Variants in PIGN observed in about 807,000 individuals in gnomAD.
PIGN encodes GPI ethanolamine phosphate transferase 1.
PIGN carries 117 observed loss-of-function variants against 125.4 expected under a neutral mutation model. The ratio of observed to expected loss-of-function variants is 0.93; its 90% CI spans 0.80 to 1.09. PIGN has a LOEUF of 1.09. Among genes scored for constraint, PIGN ranks in the 50% least tolerant of loss-of-function variants. PIGN has a pLI of 0.00. For synonymous variants in PIGN, 392 were observed against 377.8 expected (o/e 1.04, Z -0.44); for missense variants, 1,075 against 1,094.9 (o/e 0.98, Z 0.26).
intron 7 of PIGN, chr18:62,153,662 G>C (rs2036617523): frequency 6.6e-6 from 1 of 151,964 alleles, no homozygotes; most frequent in Non-Finnish European, 1.5e-5. Flanking sequence ...TATATTAAAA[G>C]TAAAAAGAAA....
chr18:62,116,109 C>T (rs530681214), intron 14 of PIGN, among the ~76,000 whole-genome samples: 3 of 152,262 alleles, frequency 2.0e-5, no homozygotes, highest in Non-Finnish European at 4.4e-5. Flanking sequence ...AAGGCAAAAA[C>T]ACATGAAAGA....
At chr18:62,061,511 C>CAAAAAAAAA (rs373391589) in intron 30 of PIGN, among the ~76,000 whole-genome samples, 1 of 33,236 alleles carries the variant, frequency 3.0e-5, no homozygotes, top group Non-Finnish European at 7.3e-5. Context: ...GACTCCGTCT[C>CAAAAAAAAA]AAAAAAAAAA....
intron 14 of PIGN, chr18:62,135,661 T>C (rs2035903647): frequency 6.7e-6 from 1 of 149,350 alleles, no homozygotes; most frequent in African/African-American, 2.5e-5. Flanking sequence ...TCTCACTCTG[T>C]TGCTCAGGCT....
chr18:62,093,066 A>G (rs1429236927), intron 23 of PIGN, among the ~76,000 whole-genome samples: 2 of 152,120 alleles, frequency 1.3e-5, no homozygotes, highest in South Asian at 2.1e-4. Flanking sequence ...GTGTGATTGC[A>G]TAGTGCTCTG....
Position 62,143,321 on chromosome 18 carries a change from C to A in PIGN, c.948G>T (p.Arg316Ser). 6.6e-7 allele frequency: 1 copy of A among 1,526,606 alleles called. No homozygotes were observed. The highest frequency in any genetic ancestry group is 1.8e-5 in the Admixed American group (1 of 55,996). The allele number at this position is 1,526,606 out of a possible 1,614,324, so 94.6% of individuals were successfully genotyped here. ...LKEWRLENWK[R>S]LDVNQADIAP... Reference sequence around the variant, plus strand: ...AACTGGATACCTGATTGACATCTAGCCTCTTCCAATTCTCCAATCTCCACT... The same window carrying A: ...AACTGGATACCTGATTGACATCTAGACTCTTCCAATTCTCCAATCTCCACT... The change falls in exon 11 of 31, where the codon AGG becomes AGT. Residue 316 changes from arginine (R) to serine (S), a missense_variant. Arg to Ser is a moderately radical substitution (Grantham distance 110, BLOSUM62 -1). Around this residue, in one of 3 missense-constraint regions of PIGN, gnomAD observed 915 missense variants for 908.7 expected, o/e 1.01. Transcript: ENST00000640252.
At chr18:62,052,354 A>G (rs900532879) in intron 30 of PIGN, 2 of 150,064 alleles carry the variant, frequency 1.3e-5, no homozygotes, top group African/African-American at 4.9e-5. Context: ...TTTGTAGGTC[A>G]CTCAGGACTT....
At chr18:62,167,788 A>C (rs1320555864) in intron 1 of PIGN, among the ~76,000 whole-genome samples, 1 of 152,066 alleles carries the variant, frequency 6.6e-6, no homozygotes, top group Non-Finnish European at 1.5e-5. Flanking sequence ...TTTCCTGATG[A>C]TCAATGATCA....
In PIGN at chr18:62,095,890, A is replaced by G; in HGVS notation, c.2138T>C (p.Ile713Thr). Reference protein sequence around the residue: ...SPVLFQRLFSILLSLMSTYLL... With the variant: ...SPVLFQRLFSTLLSLMSTYLL... Reference sequence around the variant, plus strand: ...GTAGGTTGACATCAATGAAAGAAGTATGCTGAACAATCGCTGAAAGAGAAC... The same window carrying G: ...GTAGGTTGACATCAATGAAAGAAGTGTGCTGAACAATCGCTGAAAGAGAAC... Residue 713 changes from isoleucine (I) to threonine (T), a missense_variant, in exon 23 of 31, where the codon ATA becomes ACA. Coordinates refer to ENST00000640252, the MANE Select transcript of PIGN (RefSeq NM_176787.5). The G allele has an allele frequency of 1.2e-6, 2 of 1,613,284 alleles. No individual in the cohort carries two copies. The highest frequency in any genetic ancestry group is 1.7e-6 in the Non-Finnish European group (2 of 1,179,308).
intron 1 of PIGN, among the ~76,000 whole-genome samples, chr18:62,168,450 T>G (rs1364383183): frequency 2.6e-5 from 4 of 152,198 alleles, no homozygotes; most frequent in Admixed American, 2.6e-4. Context: ...CATCCCAGCC[T>G]TGCCTCTGTG....
chr18:62,133,599 T>G (rs548461447), intron 14 of PIGN, among the ~76,000 whole-genome samples: 1 of 152,206 alleles, frequency 6.6e-6, no homozygotes, highest in African/African-American at 2.4e-5. Context: ...AACAGTATTA[T>G]CCAACATTTG....
At chr18:62,040,701 A>G (rs1383666253), downstream of PIGN, among the ~76,000 whole-genome samples, 1 of 152,232 alleles carries the variant, frequency 6.6e-6, no homozygotes, top group East Asian at 1.9e-4. Flanking sequence ...TATGGTTTCT[A>G]ACTTTAAGAA....
At chr18:62,173,997 C>T (rs747699183) in intron 1 of PIGN, among the ~76,000 whole-genome samples, 21 of 152,264 alleles carry the variant, frequency 1.4e-4, no homozygotes, top group East Asian at 9.6e-4. Context: ...GGGCAGATCA[C>T]GAAGTCAAGA....
intron 30 of PIGN, among the ~76,000 whole-genome samples, chr18:62,060,732 A>G (rs2032071537): frequency 6.6e-6 from 1 of 152,214 alleles, no homozygotes; most frequent in Admixed American, 6.5e-5. Flanking sequence ...AACTCAGCTC[A>G]ATCAAACTGA....
At chr18:62,116,167 T>TCAGATA (rs2035079440) in intron 14 of PIGN, among the ~76,000 whole-genome samples, 1 of 152,218 alleles carries the variant, frequency 6.6e-6, no homozygotes, top group Admixed American at 6.5e-5. Flanking sequence ...CTCTGTACCT[T>TCAGATA]CAGATACCAC....
chr18:62,149,587 T>A (rs1239424139), intron 7 of PIGN, among the ~76,000 whole-genome samples: 2 of 152,210 alleles, frequency 1.3e-5, no homozygotes, highest in African/African-American at 4.8e-5. Flanking sequence ...CCAATGAGAT[T>A]TAAGTCAAAC....
In PIGN at chr18:62,041,644, T is replaced by TGC. The variant is rs2030382185; in HGVS notation, c.*4211_*4212insGC. ...CAGGAGCCTACCACCCCGCCGGGTG[T>TGC]GTGTGTGTGTGTGTGTGTGTGTGTG... is the stretch of plus-strand genomic sequence containing the variant. On this transcript the variant is annotated 3_prime_UTR_variant, in exon 31 of 31. Coordinates refer to ENST00000640252, the MANE Select transcript of PIGN (RefSeq NM_176787.5). 1 of 65,930 alleles carries TGC rather than the reference T, an allele frequency of 1.5e-5. No individual in the cohort carries two copies. The allele number at this position is 65,930 out of a possible 1,614,324, so 4.1% of individuals were successfully genotyped here.
chr18:62,117,550 C>A (rs998702565), intron 14 of PIGN, among the ~76,000 whole-genome samples: 20 of 145,506 alleles, frequency 1.4e-4, no homozygotes, highest in African/African-American at 4.1e-4. Context: ...CTCAGCCCCC[C>A]CCTCTAAAAA....
intron 1 of PIGN, among the ~76,000 whole-genome samples, chr18:62,174,020 C>T (rs1349196537): frequency 6.6e-6 from 1 of 152,136 alleles, no homozygotes; most frequent in African/African-American, 2.4e-5. Flanking sequence ...TCGAGACCAG[C>T]CTGACCAATG....
At chr18:62,155,816 C>G (rs776086342) in intron 6 of PIGN, among the ~76,000 whole-genome samples, 32 of 152,178 alleles carry the variant, frequency 2.1e-4, no homozygotes, top group Admixed American at 1.4e-3. Flanking sequence ...GCCATAGCAA[C>G]TGAATCCACC....
Sources: allele counts gnomAD v4.1 joint callset (sites outside exome capture counted in the v4.1 genomes callset), GRCh38; gene constraint gnomAD v4.1.1; regional missense constraint gnomAD v4.1.1; transcripts MANE v1.5; gene names NCBI Gene and HGNC (gene_info 2026-07-23, HGNC 2026-07-21).